Variants in WDR37 observed in about 807,000 individuals in gnomAD.
The protein encoded by WDR37 is WD repeat-containing protein 37.
A neutral mutation model predicts 62.9 loss-of-function variants in WDR37; 19 were observed. That is an observed-to-expected ratio of 0.30 (90% CI 0.21 to 0.44). The LOEUF (loss-of-function observed/expected upper bound fraction) is 0.44, where lower values mean the gene tolerates loss of function less well. WDR37 is among the 20% of genes least tolerant of loss of function. The pLI is 1.00. For synonymous variants in WDR37, 250 were observed against 260.9 expected (o/e 0.96, Z 0.40); for missense variants, 474 against 657.6 (o/e 0.72, Z 3.05).
intron 9 of WDR37, among the ~76,000 whole-genome samples, chr10:1,101,800 T>G (rs932104004): frequency 5.3e-5 from 8 of 152,174 alleles, no homozygotes; most frequent in Non-Finnish European, 1.2e-4. Context: ...TTTCCTCACA[T>G]CCGACTCACG....
chr10:1,126,341 G>C lies in WDR37; in HGVS notation c.1353+1317G>C, dbSNP rs561195600. Among the ~76,000 whole-genome samples, 917 of 150,728 alleles carry C rather than the reference G, an allele frequency of 6.1e-3. 13 individuals carry two copies. The highest frequency in any genetic ancestry group is 0.022 in the African/African-American group (884 of 40,646). On this transcript the variant is annotated intron_variant, in intron 13 of 13. Coordinates refer to ENST00000263150, the MANE Select transcript of WDR37 (RefSeq NM_014023.4). ...GAATGGCGTGAACCCAGGAGGCGGA[G>C]CTTGCAGTGAGCTGAGATCGCGCCA...
chr10:1,072,132 C>G lies in WDR37; in HGVS notation c.-24C>G. 6.2e-7 allele frequency: 1 copy of G among 1,613,228 alleles called. No individual in the cohort carries two copies. ...TGTTTTTAGCTTATTGCAGGAGTGA[C>G]CAGGACACTACCTCCTAGAAGTAAT... On this transcript the variant is annotated 5_prime_UTR_variant, in exon 2 of 14. Transcript: ENST00000263150.
At chr10:1,087,462 G>C (rs1270838993) in intron 7 of WDR37, among the ~76,000 whole-genome samples, 1 of 152,216 alleles carries the variant, frequency 6.6e-6, no homozygotes, top group African/African-American at 2.4e-5. Context: ...CTTAAGACTT[G>C]AAAATCGAAA....
chr10:1,114,869 C>T (rs1162424535), intron 11 of WDR37, among the ~76,000 whole-genome samples: 1 of 152,220 alleles, frequency 6.6e-6, no homozygotes, highest in Non-Finnish European at 1.5e-5. Flanking sequence ...GCCATTCCAG[C>T]GTGGGCCCTC....
intron 11 of WDR37, chr10:1,123,954 G>GTAAA (rs1835663701): frequency 4.6e-6 from 2 of 435,368 alleles, no homozygotes; most frequent in Non-Finnish European, 8.2e-6. Flanking sequence ...CCTACTTTCT[G>GTAAA]TAACCTCTCT....
intron 5 of WDR37, among the ~76,000 whole-genome samples, chr10:1,081,423 T>G (rs2131626856): frequency 6.6e-6 from 1 of 152,356 alleles, no homozygotes; most frequent in Non-Finnish European, 1.5e-5. Context: ...TCTTGTTAGC[T>G]TTTTATTTTT....
chr10:1,082,518 C>T (rs1349380011), intron 5 of WDR37, among the ~76,000 whole-genome samples: 2 of 152,150 alleles, frequency 1.3e-5, no homozygotes, highest in Non-Finnish European at 2.9e-5. Context: ...CTTTAGATTG[C>T]GCCGCAGTTC....
At chr10:1,069,387 A>ATTTTT (rs1368989652) in intron 1 of WDR37, among the ~76,000 whole-genome samples, 1 of 30,444 alleles carries the variant, frequency 3.3e-5, no homozygotes, top group Non-Finnish European at 5.9e-5. Context: ...ATATATATAT[A>ATTTTT]TATTTTTTTT....
At chr10:1,113,475 T>TA (rs1164016995) in intron 11 of WDR37, among the ~76,000 whole-genome samples, 2 of 151,986 alleles carry the variant, frequency 1.3e-5, no homozygotes, top group African/African-American at 4.8e-5. Context: ...ATACACTTTG[T>TA]AAGGCTATAG....
In WDR37 at chr10:1,125,106, A is replaced by G; in HGVS notation, c.1353+82A>G. On this transcript the variant is annotated intron_variant, in intron 13 of 13. Coordinates refer to ENST00000263150, the MANE Select transcript of WDR37 (RefSeq NM_014023.4). ...TATTTTACATTCTCATTTTCTTACTAAGTCTTTGCATGCTAAGTTTTCCTT... is the reference window on the plus strand; with the variant it reads ...TATTTTACATTCTCATTTTCTTACTGAGTCTTTGCATGCTAAGTTTTCCTT... 2.0e-6 allele frequency: 3 copies of G among 1,523,590 alleles called. No homozygotes were observed. The South Asian group carries it at 3.8e-5, about 19-fold the overall frequency. The allele number at this position is 1,523,590 out of a possible 1,614,324, so 94.4% of individuals were successfully genotyped here. A position where few individuals can be genotyped will look rare whatever the true frequency, so the allele number is the denominator to read the frequency against.
intron 11 of WDR37, among the ~76,000 whole-genome samples, chr10:1,123,525 A>G (rs538594638): frequency 1.3e-5 from 2 of 152,252 alleles, no homozygotes; most frequent in South Asian, 4.1e-4. Context: ...TTCATGTCAT[A>G]GCACGTGTTA....
intron 1 of WDR37, among the ~76,000 whole-genome samples, chr10:1,065,893 C>CT (rs35577994): frequency 1.4e-3 from 204 of 145,472 alleles, no homozygotes; most frequent in African/African-American, 3.6e-3. Flanking sequence ...TAAAACTGTC[C>CT]TTTTTTTTTT....
chr10:1,118,802 G>A (rs763419044), intron 11 of WDR37, among the ~76,000 whole-genome samples: 32 of 152,186 alleles, frequency 2.1e-4, no homozygotes, highest in Middle Eastern at 3.2e-3. Context: ...GCACTGCCAC[G>A]CTGTCTCCCT....
intron 11 of WDR37, among the ~76,000 whole-genome samples, chr10:1,112,662 A>C (rs1386875778): frequency 6.6e-6 from 1 of 152,240 alleles, no homozygotes; most frequent in Non-Finnish European, 1.5e-5. Context: ...CACACGAATG[A>C]TAAGAACACA....
chr10:1,125,989 C>T (rs11250276), intron 13 of WDR37, among the ~76,000 whole-genome samples: 42 of 152,232 alleles, frequency 2.8e-4, no homozygotes, highest in East Asian at 3.9e-4. Flanking sequence ...CCTGGGGGCC[C>T]GTGTTCAGAT....
chr10:1,083,605 ACT>A (rs1391200398), intron 5 of WDR37, among the ~76,000 whole-genome samples: 3 of 152,164 alleles, frequency 2.0e-5, no homozygotes, highest in Admixed American at 6.5e-5. Flanking sequence ...TAAAAAGCAA[ACT>A]CTGCAGAAAT....
chr10:1,080,482 C>T lies in WDR37; in HGVS notation c.396+6C>T, dbSNP rs865980621. 1 of 1,614,150 alleles carries T rather than the reference C, an allele frequency of 6.2e-7. No individual in the cohort carries two copies. Among genetic ancestry groups the T allele is most frequent in the Admixed American group, 1.7e-5 (1 of 60,024 alleles). On this transcript the variant is annotated splice_donor_region_variant and intron_variant, in intron 5 of 13. Transcript: ENST00000263150. ...ACAAGGCTTCCACCAGCAAGGTATG[C>T]AGGCCACTGGCTCTTGAGCCATCAT...
At chr10:1,128,758 G>A (rs1037694493) in intron 13 of WDR37, among the ~76,000 whole-genome samples, 3 of 152,038 alleles carry the variant, frequency 2.0e-5, no homozygotes, top group Non-Finnish European at 4.4e-5. Context: ...CTGGTGTCTC[G>A]GCATCACTCA....
At position 1,079,138 on chromosome 10, in the gene WDR37, G is replaced by A. The variant is rs111833377; in HGVS notation, c.236-873G>A. Among the ~76,000 whole-genome samples the A allele has an allele frequency of 2.4e-3, 369 of 151,792 alleles. 1 individual carries two copies. Among genetic ancestry groups the A allele is most frequent in the African/African-American group, 8.4e-3 (347 of 41,324 alleles). ...CTTGCTCTGTCACCTAGGCTGGAGTGCAGTGGCGTGATCTGGGCTCACTGC... is the reference window on the plus strand; with the variant it reads ...CTTGCTCTGTCACCTAGGCTGGAGTACAGTGGCGTGATCTGGGCTCACTGC... On this transcript the variant is annotated intron_variant, in intron 3 of 13. Coordinates refer to ENST00000263150, the MANE Select transcript of WDR37 (RefSeq NM_014023.4).
Sources: allele counts gnomAD v4.1 joint callset (sites outside exome capture counted in the v4.1 genomes callset), GRCh38; gene constraint gnomAD v4.1.1; transcripts MANE v1.5; gene names NCBI Gene and HGNC (gene_info 2026-07-23, HGNC 2026-07-21).